Variants in RBFOX1 observed in about 807,000 individuals in gnomAD.
The protein encoded by RBFOX1 is RNA binding fox-1 homolog 1.
A neutral mutation model predicts 57.7 loss-of-function variants in RBFOX1; 8 were observed. That is an observed-to-expected ratio of 0.14 (90% CI 0.08 to 0.25). The LOEUF (loss-of-function observed/expected upper bound fraction) is 0.25, where lower values mean the gene tolerates loss of function less well. Ranked by LOEUF, RBFOX1 falls within the 10% of genes least tolerant of loss-of-function variation. The probability of loss-of-function intolerance (pLI) is 1.00; values close to 1 mark genes in which losing one functional copy is unlikely to be tolerated. For missense variants in RBFOX1, 611 were observed against 548.5 expected (o/e 1.11, Z -1.14); for synonymous variants, 326 against 222.4 (o/e 1.47, Z -4.15).
At chr16:6,000,704 G>C (rs1481578112) in intron 4 of RBFOX1, among the ~76,000 whole-genome samples, 3 of 151,556 alleles carry the variant, frequency 2.0e-5, no homozygotes, top group Non-Finnish European at 4.4e-5. Context: ...TGGATGAGTG[G>C]GTTGGTGGAT....
intron 4 of RBFOX1, among the ~76,000 whole-genome samples, chr16:7,269,196 C>T (rs536281422): frequency 6.6e-6 from 1 of 151,984 alleles, no homozygotes; most frequent in Admixed American, 6.6e-5. Context: ...ATATACAGCA[C>T]GTTGGTGACT....
At chr16:5,262,080 A>G (rs1391266530) in intron 1 of RBFOX1, among the ~76,000 whole-genome samples, 1 of 152,256 alleles carries the variant, frequency 6.6e-6, no homozygotes, top group African/African-American at 2.4e-5. Context: ...GTATTTTGAG[A>G]TATCAGAGAA....
intron 2 of RBFOX1, among the ~76,000 whole-genome samples, chr16:6,648,754 C>G (rs534209247): frequency 6.5e-4 from 99 of 152,154 alleles, no homozygotes; most frequent in Non-Finnish European, 1.1e-3. Context: ...CAGAGAGCTG[C>G]TTTTTCTCAC....
chr16:5,635,299 A>G (rs2048647200), intron 3 of RBFOX1, among the ~76,000 whole-genome samples: 2 of 152,242 alleles, frequency 1.3e-5, no homozygotes, highest in African/African-American at 4.8e-5. Context: ...CACAGGGATC[A>G]TACAAAACAG....
At chr16:7,656,249 CT>C (rs1477762652) in intron 12 of RBFOX1, among the ~76,000 whole-genome samples, 2 of 152,178 alleles carry the variant, frequency 1.3e-5, no homozygotes, top group African/African-American at 4.8e-5. Context: ...GGAAATTCGT[CT>C]TGTTGCCTGG....
At chr16:6,541,430 G>A (rs932707768) in intron 2 of RBFOX1, among the ~76,000 whole-genome samples, 15 of 152,218 alleles carry the variant, frequency 9.9e-5, no homozygotes, top group Admixed American at 9.8e-4. Context: ...CTCACATGGA[G>A]TTGGTCACAG....
intron 1 of RBFOX1, among the ~76,000 whole-genome samples, chr16:6,085,727 G>A (rs138510833): frequency 2.6e-5 from 4 of 152,068 alleles, no homozygotes; most frequent in Admixed American, 2.6e-4. Flanking sequence ...AGCCCGTGGC[G>A]CTTAAATTCT....
At chr16:6,692,533 C>G (rs2060348288) in intron 3 of RBFOX1, among the ~76,000 whole-genome samples, 1 of 152,146 alleles carries the variant, frequency 6.6e-6, no homozygotes, top group Non-Finnish European at 1.5e-5. Flanking sequence ...CCTGGTTCCT[C>G]TCTGAATTAC....
intron 4 of RBFOX1, among the ~76,000 whole-genome samples, chr16:5,875,898 C>A (rs1024003180): frequency 6.7e-6 from 1 of 149,928 alleles, no homozygotes; most frequent in African/African-American, 2.5e-5. Flanking sequence ...GGCTGGAGTG[C>A]AGTGGCGCCA....
chr16:5,908,725 C>A (rs528269315), intron 4 of RBFOX1, among the ~76,000 whole-genome samples: 1 of 152,060 alleles, frequency 6.6e-6, no homozygotes, highest in Admixed American at 6.6e-5. Flanking sequence ...AACTCGTGGG[C>A]CCCTGCTATA....
intron 1 of RBFOX1, among the ~76,000 whole-genome samples, chr16:5,463,220 A>C (rs886699323): frequency 9.2e-5 from 14 of 152,174 alleles, no homozygotes; most frequent in Admixed American, 2.0e-4. Context: ...ATTGGTTGGT[A>C]ACATAATACG....
rs1249226876 is a variant in RBFOX1, at chr16:5,424,869, TC to T, written c.220-42346del. Among the ~76,000 whole-genome samples, 77 of 129,844 alleles carry T rather than the reference TC, an allele frequency of 5.9e-4. 1 individual carries two copies. The highest frequency in any genetic ancestry group is 1.9e-3 in the African/African-American group (61 of 32,934). 85.2% of individuals were successfully genotyped at this position (129,844 alleles called of 152,430 possible). A position where few individuals can be genotyped will look rare whatever the true frequency, so the allele number is the denominator to read the frequency against. ...TCTTTCTCTCTCTCTCTTCTTTCTT[TC>T]TTTTTTTTCTTTCTTTCTTTCTTTC... On this transcript the variant is annotated intron_variant, in intron 1 of 2. Coordinates refer to the RBFOX1 transcript ENST00000585867.
chr16:6,947,414 A>G (rs1312806791), intron 3 of RBFOX1, among the ~76,000 whole-genome samples: 1 of 152,164 alleles, frequency 6.6e-6, no homozygotes, highest in Non-Finnish European at 1.5e-5. Context: ...GAAGGAACAG[A>G]TGGGAGAATG....
At chr16:7,139,160 T>G (rs1600696823) in intron 4 of RBFOX1, among the ~76,000 whole-genome samples, 1 of 51,014 alleles carries the variant, frequency 2.0e-5, no homozygotes, top group East Asian at 5.3e-4. Flanking sequence ...ATAATGCAGA[T>G]GAAATCAATC....
At chr16:5,883,258 C>G (rs1234523886) in intron 4 of RBFOX1, among the ~76,000 whole-genome samples, 2 of 152,142 alleles carry the variant, frequency 1.3e-5, no homozygotes, top group Non-Finnish European at 2.9e-5. Context: ...TTTTAAAACA[C>G]ATTTATATTT....
chr16:5,425,105 C>CTATTTATCTATCTATT (rs1555515006), intron 1 of RBFOX1, among the ~76,000 whole-genome samples: 2 of 131,462 alleles, frequency 1.5e-5, no homozygotes, highest in Admixed American at 8.3e-5. Context: ...ATCTATCTAT[C>CTATTTATCTATCTATT]TATCTATCTA....
At chr16:6,060,929 A>T (rs73522197) in intron 1 of RBFOX1, among the ~76,000 whole-genome samples, 1 of 152,188 alleles carries the variant, frequency 6.6e-6, no homozygotes, top group African/African-American at 2.4e-5. Flanking sequence ...CATATGGCAC[A>T]TGGACACACG....
At chr16:6,512,678 C>G (rs1385519400) in intron 2 of RBFOX1, among the ~76,000 whole-genome samples, 1 of 152,162 alleles carries the variant, frequency 6.6e-6, no homozygotes, top group Non-Finnish European at 1.5e-5. Flanking sequence ...AGTTCAGTCC[C>G]CACATGCTAT....
intron 3 of RBFOX1, among the ~76,000 whole-genome samples, chr16:6,832,818 A>C (rs531219993): frequency 6.6e-6 from 1 of 152,324 alleles, no homozygotes; most frequent in East Asian, 1.9e-4. Context: ...GTTTTCATTC[A>C]TTTATTGATT....
Sources: gnomAD v4.1 joint callset for allele counts (sites outside exome capture counted in the v4.1 genomes callset) on GRCh38, gnomAD v4.1.1 for gene constraint, MANE v1.5 for transcripts, NCBI Gene and HGNC (gene_info 2026-07-23, HGNC 2026-07-21) for gene names.